CTNNA3: variants seen among roughly 807,000 people sequenced by gnomAD.
CTNNA3 encodes the protein catenin alpha-3.
Under a neutral mutation model 95.7 loss-of-function variants are expected in CTNNA3, and 76 were observed. The ratio of observed to expected loss-of-function variants is 0.79; its 90% CI spans 0.66 to 0.96. The LOEUF is 0.96. Ranked by LOEUF, CTNNA3 falls within the 40% of genes least tolerant of loss-of-function variation. CTNNA3 has a pLI of 0.00. For missense variants in CTNNA3, 1,191 were observed against 1,089.8 expected (o/e 1.09, Z -1.31); for synonymous variants, 431 against 374.4 (o/e 1.15, Z -1.74).
chr10:67,017,895 A>T (rs1383618571), intron 7 of CTNNA3, among the ~76,000 whole-genome samples: 3 of 151,874 alleles, frequency 2.0e-5, no homozygotes, highest in African/African-American at 7.3e-5. Context: ...TCAGCCTCCC[A>T]AGTAGCCGGG....
chr10:66,732,062 T>C lies in CTNNA3; in HGVS notation c.1281+34202A>G, dbSNP rs1249567669. On this transcript the variant is annotated intron_variant, in intron 9 of 17. Transcript: ENST00000433211. ...TTAAATAAAGTTCATAACAGCTGTT[T>C]GTAACATCTAGATTTAACTTTAGGG... 2.6e-5 allele frequency among the ~76,000 whole-genome samples: 4 copies of C among 152,258 alleles called. No individual in the cohort carries two copies. In the South Asian group the frequency reaches 8.3e-4, roughly 32 times the overall value.
rs189178885 is a variant in CTNNA3 at position 65,956,117 on chromosome 10, G to A, written c.2400+10495C>T. On this transcript the variant is annotated intron_variant, in intron 17 of 17. Coordinates refer to ENST00000433211, the MANE Select transcript of CTNNA3 (RefSeq NM_013266.4). ...CAACTTCTTCCTGGTTTAGTCTTGGGAGGGTGTATGTGTCCAGCAATTTAT... is the reference window on the plus strand; with the variant it reads ...CAACTTCTTCCTGGTTTAGTCTTGGAAGGGTGTATGTGTCCAGCAATTTAT... 2.2e-4 allele frequency among the ~76,000 whole-genome samples: 33 copies of A among 152,248 alleles called. No homozygotes were observed. The East Asian group carries it at 4.1e-3, about 19-fold the overall frequency.
chr10:66,233,159 C>CAAA (rs56368191), intron 13 of CTNNA3, among the ~76,000 whole-genome samples: 14 of 60,202 alleles, frequency 2.3e-4, no homozygotes, highest in African/African-American at 9.7e-4. Flanking sequence ...GACTCCACCT[C>CAAA]AAAAAAAAAA....
intron 10 of CTNNA3, among the ~76,000 whole-genome samples, chr10:66,549,841 C>T (rs949795096): frequency 3.3e-5 from 5 of 152,070 alleles, no homozygotes; most frequent in African/African-American, 7.2e-5. Context: ...GTGCACACCT[C>T]GTATGATTCT....
intron 11 of CTNNA3, among the ~76,000 whole-genome samples, chr10:66,398,816 A>T (rs2092998999): frequency 6.6e-6 from 1 of 152,012 alleles, no homozygotes; most frequent in Admixed American, 6.6e-5. Context: ...TTTTAGTTCT[A>T]AACCTCCACT....
rs184771277 is a variant in CTNNA3 at position 66,088,877 on chromosome 10, A to T, written c.1977+14280T>A. 4.6e-3 allele frequency among the ~76,000 whole-genome samples: 699 copies of T among 152,218 alleles called. 15 individuals are homozygous for T. Among genetic ancestry groups the T allele is most frequent in the Non-Finnish European group, 4.2e-3 (283 of 67,984 alleles). On this transcript the variant is annotated intron_variant, in intron 14 of 17. Transcript: ENST00000433211. ...CATGTATTCTTTATGAATACCTTGT[A>T]ATAGGGCCTATGCCCAGTTTTCTGT...
chr10:67,583,847 G>C lies in CTNNA3; in HGVS notation c.292+23010C>G, dbSNP rs571462836. Among the ~76,000 whole-genome samples the C allele has an allele frequency of 5.2e-4, 79 of 152,116 alleles. 1 individual carries two copies. Among genetic ancestry groups the C allele is most frequent in the African/African-American group, 1.8e-3 (76 of 41,480 alleles). On this transcript the variant is annotated intron_variant, in intron 3 of 17. Coordinates refer to ENST00000433211, the MANE Select transcript of CTNNA3 (RefSeq NM_013266.4). Reference sequence around the variant, plus strand: ...CTGATACCCTTTCTTCCACTTGATTGAATCGGCTACTGAAGCTTGTGCATT... The same window carrying C: ...CTGATACCCTTTCTTCCACTTGATTCAATCGGCTACTGAAGCTTGTGCATT...
chr10:66,661,638 C>T (rs1846268096), intron 9 of CTNNA3, among the ~76,000 whole-genome samples: 1 of 151,716 alleles, frequency 6.6e-6, no homozygotes, highest in African/African-American at 2.4e-5. Flanking sequence ...TTAAGTGCAC[C>T]AAAACAAAAC....
At chr10:67,119,314 T>A (rs1859350217) in intron 7 of CTNNA3, among the ~76,000 whole-genome samples, 1 of 151,952 alleles carries the variant, frequency 6.6e-6, no homozygotes, top group Non-Finnish European at 1.5e-5. Flanking sequence ...ACTTTCAGAA[T>A]CTCAGTGTTA....
At chr10:65,993,170 A>G (rs932498823) in intron 15 of CTNNA3, among the ~76,000 whole-genome samples, 3 of 152,242 alleles carry the variant, frequency 2.0e-5, no homozygotes, top group Non-Finnish European at 2.9e-5. Flanking sequence ...CATATGGTCA[A>G]TCCTACAGGA....
At position 66,128,961 on chromosome 10, in the gene CTNNA3, AC is replaced by A. The variant is rs2082958127; in HGVS notation, c.1885-25713del. 2.0e-5 allele frequency among the ~76,000 whole-genome samples: 3 copies of A among 151,232 alleles called. No individual in the cohort carries two copies. The South Asian group carries it at 6.2e-4, about 31-fold the overall frequency. On this transcript the variant is annotated intron_variant, in intron 13 of 17. Coordinates refer to ENST00000433211, the MANE Select transcript of CTNNA3 (RefSeq NM_013266.4). ...AAAAAATAGTCTGTTTAAAAAAAAA[AC>A]AAAAAACAAAAAAAAAACTTGGCTG... is the stretch of plus-strand genomic sequence containing the variant.
chr10:67,134,686 C>A (rs1860206735), intron 7 of CTNNA3, among the ~76,000 whole-genome samples: 1 of 152,068 alleles, frequency 6.6e-6, no homozygotes. Context: ...TAGCTTGGAT[C>A]CTAGCTTGCA....
At chr10:67,182,577 TAAAAACCCTAGAA>T (rs1474323891) in intron 6 of CTNNA3, among the ~76,000 whole-genome samples, 1 of 151,974 alleles carries the variant, frequency 6.6e-6, no homozygotes, top group Admixed American at 6.5e-5. Flanking sequence ...CCTAAAACCA[TAAAAACCCTAGAA>T]GAAAACCTAG....
At chr10:66,028,790 A>G (rs1407542737) in intron 15 of CTNNA3, among the ~76,000 whole-genome samples, 1 of 152,172 alleles carries the variant, frequency 6.6e-6, no homozygotes, top group Non-Finnish European at 1.5e-5. Context: ...AGATTACTCA[A>G]AGAAAAGGAA....
Position 67,661,249 on chromosome 10 carries a change from A to AG in CTNNA3, c.-5-13732_-5-13731insC, listed in dbSNP as rs1840178534. The stretch of plus-strand genomic sequence containing the variant: ...AGCAATTTTACTAAAACAAAAAAAA[A>AG]AGAGAGAGAGAGAAAAGGAAGGAAG... On this transcript the variant is annotated intron_variant, in intron 1 of 17. Coordinates refer to ENST00000433211, the MANE Select transcript of CTNNA3 (RefSeq NM_013266.4). Among the ~76,000 whole-genome samples the AG allele has an allele frequency of 2.6e-5, 4 of 151,524 alleles. No homozygotes were observed. In the South Asian group the frequency reaches 8.4e-4, roughly 32 times the overall value.
At chr10:66,777,924 A>G (rs1840378561) in intron 7 of CTNNA3, among the ~76,000 whole-genome samples, 1 of 152,118 alleles carries the variant, frequency 6.6e-6, no homozygotes, top group African/African-American at 2.4e-5. Context: ...CAGCTTTCTC[A>G]GAGCTAGCAG....
intron 10 of CTNNA3, among the ~76,000 whole-genome samples, chr10:66,615,240 C>CATGAAAT (rs1394973082): frequency 3.3e-5 from 5 of 151,936 alleles, no homozygotes; most frequent in Admixed American, 3.3e-4. Context: ...TTTTTCATGT[C>CATGAAAT]ATATGAATAA....
At chr10:67,549,878 G>A (rs1840963456) in intron 3 of CTNNA3, among the ~76,000 whole-genome samples, 1 of 152,080 alleles carries the variant, frequency 6.6e-6, no homozygotes, top group Non-Finnish European at 1.5e-5. Context: ...TTAAATACTT[G>A]CAACAATGTA....
intron 7 of CTNNA3, among the ~76,000 whole-genome samples, chr10:66,989,606 A>G (rs527580093): frequency 1.3e-5 from 2 of 152,306 alleles, no homozygotes; most frequent in South Asian, 2.1e-4. Context: ...AGAGATGTGT[A>G]TATATATACA....
Sources: gnomAD v4.1 joint callset for allele counts (sites outside exome capture counted in the v4.1 genomes callset) on GRCh38, gnomAD v4.1.1 for gene constraint, MANE v1.5 for transcripts, NCBI Gene and HGNC (gene_info 2026-07-23, HGNC 2026-07-21) for gene names.